LATS2: variants seen among roughly 807,000 people sequenced by gnomAD.
LATS2 encodes the protein large tumor suppressor kinase 2, also known as serine/threonine-protein kinase LATS2.
Under a neutral mutation model 76.0 loss-of-function variants are expected in LATS2, and 24 were observed. The ratio of observed to expected loss-of-function variants is 0.32; its 90% CI spans 0.23 to 0.44. LATS2 has a LOEUF of 0.44. Among genes scored for constraint, LATS2 ranks in the 20% least tolerant of loss-of-function variants. The probability of loss-of-function intolerance (pLI) is 1.00; values close to 1 mark genes in which losing one functional copy is unlikely to be tolerated. For missense variants in LATS2, 1,286 were observed against 1,481.2 expected (o/e 0.87, Z 2.16); for synonymous variants, 692 against 635.4 (o/e 1.09, Z -1.34).
chr13:21,013,988 GAAA>G (rs1482173837), intron 2 of LATS2, among the ~76,000 whole-genome samples: 2 of 150,278 alleles, frequency 1.3e-5, no homozygotes, highest in Non-Finnish European at 1.5e-5. Flanking sequence ...AAAAGAAGAA[GAAA>G]GAAGAAGAAG....
intron 2 of LATS2, among the ~76,000 whole-genome samples, chr13:20,992,648 G>A (rs1870556038): frequency 6.6e-6 from 1 of 152,162 alleles, no homozygotes; most frequent in South Asian, 2.1e-4. Context: ...CACTCTGAAG[G>A]TCAACGAGGA....
intron 2 of LATS2, among the ~76,000 whole-genome samples, chr13:21,003,248 T>C (rs957720330): frequency 2.6e-5 from 4 of 151,996 alleles, no homozygotes; most frequent in African/African-American, 9.7e-5. Flanking sequence ...TATTTTTAAA[T>C]TTATTATTAT....
chr13:20,993,484 G>C (rs1460106149), intron 2 of LATS2, among the ~76,000 whole-genome samples: 1 of 152,148 alleles, frequency 6.6e-6, no homozygotes, highest in Non-Finnish European at 1.5e-5. Context: ...CAAGATGGCA[G>C]GGACAGGCAA....
At chr13:21,053,224 A>C (rs1168314518) in intron 1 of LATS2, among the ~76,000 whole-genome samples, 1 of 113,858 alleles carries the variant, frequency 8.8e-6, no homozygotes, top group Non-Finnish European at 1.7e-5. Context: ...ACAGAGTGAG[A>C]CTCTGTCTCA....
chr13:21,005,918 A>C (rs934440092), intron 2 of LATS2, among the ~76,000 whole-genome samples: 1 of 152,142 alleles, frequency 6.6e-6, no homozygotes, highest in East Asian at 1.9e-4. Context: ...GTTCAAGACC[A>C]GCCTGACTGA....
rs1368672171 is a variant in LATS2 at position 20,988,016 on chromosome 13, C to T, written c.1764G>A (p.Glu588=). Residue 588 remains glutamate, a synonymous_variant, in exon 4 of 8, where the codon GAG becomes GAA. Transcript: ENST00000382592. ...AGCTCTTGATGCGTGACTCTCTCTT[C>T]TCTTCGTCTCTGCTGTTTTTGCGGA... ...VPVRKNSRDE[E]KRESRIKSYS... is the part of the protein sequence containing the mutation. 5.6e-6 allele frequency: 9 copies of T among 1,614,138 alleles called. No homozygotes were observed. The highest frequency in any genetic ancestry group is 1.6e-4 in the Middle Eastern group (1 of 6,084).
intron 2 of LATS2, among the ~76,000 whole-genome samples, chr13:20,998,236 T>C (rs1385205649): frequency 6.6e-6 from 1 of 152,066 alleles, no homozygotes; most frequent in Non-Finnish European, 1.5e-5. Flanking sequence ...TGCCTGTAGT[T>C]CCAGCTTCAT....
intron 2 of LATS2, among the ~76,000 whole-genome samples, chr13:20,996,207 T>C (rs548511816): frequency 5.6e-4 from 86 of 152,264 alleles, no homozygotes; most frequent in African/African-American, 2.0e-3. Context: ...CCATGCCACC[T>C]GCTGCAAGAG....
chr13:21,002,247 G>A (rs1780974240), intron 2 of LATS2, among the ~76,000 whole-genome samples: 2 of 152,090 alleles, frequency 1.3e-5, no homozygotes, highest in Admixed American at 6.6e-5. Flanking sequence ...TAAAAATTCT[G>A]GGATGGTCTA....
chr13:21,042,382 T>C (rs1872906882), intron 2 of LATS2, among the ~76,000 whole-genome samples: 1 of 152,344 alleles, frequency 6.6e-6, no homozygotes, highest in East Asian at 1.9e-4. Flanking sequence ...TTGTGCACTT[T>C]TAAAGTAAAT....
intron 2 of LATS2, among the ~76,000 whole-genome samples, chr13:21,021,412 G>A (rs1251097740): frequency 7.7e-6 from 1 of 129,492 alleles, no homozygotes; most frequent in African/African-American, 2.8e-5. Context: ...AGCAGAGGTT[G>A]TAGTGAACTG....
At chr13:21,040,112 C>A (rs1439072998) in intron 2 of LATS2, among the ~76,000 whole-genome samples, 4 of 151,498 alleles carry the variant, frequency 2.6e-5, no homozygotes, top group Non-Finnish European at 5.9e-5. Context: ...TCTGACCAGG[C>A]ATGGTGGCCC....
At chr13:20,989,334 C>G (rs1870407449) in intron 3 of LATS2, 30 bp from the exon 4 acceptor site, 1 of 1,611,868 alleles carries the variant, frequency 6.2e-7, no homozygotes, top group East Asian at 2.2e-5. Flanking sequence ...AAGACAGCAT[C>G]AGAGTGGGTG....
At chr13:20,994,932 A>G (rs2138304222) in intron 2 of LATS2, among the ~76,000 whole-genome samples, 1 of 152,250 alleles carries the variant, frequency 6.6e-6, no homozygotes, top group Middle Eastern at 3.4e-3. Context: ...CTTATCTAGA[A>G]TCGTAGGTGG....
chr13:20,986,593 G>C (rs550785420), intron 4 of LATS2, among the ~76,000 whole-genome samples: 1 of 152,220 alleles, frequency 6.6e-6, no homozygotes, highest in Non-Finnish European at 1.5e-5. Context: ...TAGAGGTAGA[G>C]AGTAGAATGA....
intron 2 of LATS2, among the ~76,000 whole-genome samples, chr13:21,037,081 G>C (rs1872708234): frequency 2.0e-5 from 3 of 152,264 alleles, no homozygotes; most frequent in African/African-American, 7.2e-5. Flanking sequence ...ACATCTATTT[G>C]AACAATGGAA....
rs58156767 is a variant in LATS2 at position 20,973,514 on chromosome 13, CTG to C, written c.*1354_*1355del. ...GAAATAAGGAATATTGTGTTTATCT[CTG>C]TGTGTGTGTGTGTGTGTGTATACAC... On this transcript the variant is annotated 3_prime_UTR_variant, in exon 8 of 8. Transcript: ENST00000382592. 0.67 allele frequency: 148,761 copies of C among 223,510 alleles called. 47,102 individuals carry two copies. Among genetic ancestry groups the C allele is most frequent in the Non-Finnish European group, 0.73 (82,036 of 111,652 alleles). The allele number at this position is 223,510 out of a possible 1,614,324, so 13.8% of individuals were successfully genotyped here.
At chr13:21,032,906 T>C (rs982104869) in intron 2 of LATS2, among the ~76,000 whole-genome samples, 3 of 152,020 alleles carry the variant, frequency 2.0e-5, no homozygotes, top group Non-Finnish European at 4.4e-5. Context: ...GAAAACCTCA[T>C]AGCCTGGTGG....
At chr13:21,005,147 A>G (rs962483482) in intron 2 of LATS2, 3 of 152,222 alleles carry the variant, frequency 2.0e-5, no homozygotes, top group African/African-American at 7.2e-5. Flanking sequence ...TCCCAACACA[A>G]AAAAGGCAGC....
Sources: allele counts gnomAD v4.1 joint callset (sites outside exome capture counted in the v4.1 genomes callset), GRCh38; gene constraint gnomAD v4.1.1; transcripts MANE v1.5; gene names NCBI Gene and HGNC (gene_info 2026-07-23, HGNC 2026-07-21).